The following ABLIM1 variants were observed in gnomAD, a reference collection of about 807,000 sequenced individuals.
ABLIM1 encodes the protein actin-binding LIM protein 1.
ABLIM1 carries 40 observed loss-of-function variants against 107.0 expected under a neutral mutation model. The ratio of observed to expected loss-of-function variants is 0.37; its 90% CI spans 0.29 to 0.49. ABLIM1 has a LOEUF of 0.49. Ranked by LOEUF, ABLIM1 falls within the 20% of genes least tolerant of loss-of-function variation. The probability of loss-of-function intolerance (pLI) is 0.97; values close to 1 mark genes in which losing one functional copy is unlikely to be tolerated. For missense variants in ABLIM1, 857 were observed against 1,008.5 expected, an observed-to-expected ratio of 0.85 and a Z score of 2.04; for synonymous variants, 357 against 357.3, an observed-to-expected ratio of 1.00 and a Z score of 0.01.
intron 14 of ABLIM1, 62 bp downstream of exon 14, chr10:114,451,562 A>C: frequency 6.8e-7 from 1 of 1,469,400 alleles, no homozygotes; most frequent in Non-Finnish European, 9.5e-7. Flanking sequence ...TTCAGAGGAC[A>C]GCAAGGAGAA....
intron 6 of ABLIM1, among the ~76,000 whole-genome samples, chr10:114,541,227 G>A (rs187459126): frequency 9.2e-5 from 14 of 151,736 alleles, no homozygotes; most frequent in Middle Eastern, 3.4e-3. Context: ...GCTTTCAGAC[G>A]TCTAACCTCA....
At chr10:114,526,211 G>A (rs1369375551) in intron 6 of ABLIM1, among the ~76,000 whole-genome samples, 2 of 151,856 alleles carry the variant, frequency 1.3e-5, no homozygotes, top group East Asian at 3.9e-4. Context: ...TCATTCCCAC[G>A]TGCCACTTCC....
upstream of ABLIM1, among the ~76,000 whole-genome samples, chr10:114,687,761 C>G (rs2080977189): frequency 1.3e-5 from 2 of 152,096 alleles, no homozygotes; most frequent in Admixed American, 6.5e-5. Flanking sequence ...GCAGAAGAGA[C>G]AGAAACTTGA....
chr10:114,443,957 C>G (rs1000429754), intron 17 of ABLIM1, 72 bp downstream of exon 17: 9 of 1,223,208 alleles, frequency 7.4e-6, no homozygotes, highest in Non-Finnish European at 1.0e-5. Flanking sequence ...CACAAGTGAA[C>G]AGTCAAGGCA....
At chr10:114,533,067 C>G (rs1215789486) in intron 6 of ABLIM1, among the ~76,000 whole-genome samples, 1 of 152,196 alleles carries the variant, frequency 6.6e-6, no homozygotes, top group African/African-American at 2.4e-5. Flanking sequence ...TGGCCAGGTG[C>G]AGTGGCTCAC....
At chr10:114,696,403 A>C (rs1017939174) in intron 1 of ABLIM1, among the ~76,000 whole-genome samples, 1 of 152,186 alleles carries the variant, frequency 6.6e-6, no homozygotes, top group African/African-American at 2.4e-5. Context: ...TTCATTGCAC[A>C]GATGTGTCTG....
intron 6 of ABLIM1, among the ~76,000 whole-genome samples, chr10:114,525,105 G>A (rs1268922826): frequency 2.6e-5 from 4 of 152,238 alleles, no homozygotes; most frequent in African/African-American, 9.6e-5. Flanking sequence ...TCTCACAGCT[G>A]GGGAGGGAGT....
At chr10:114,447,661 T>C (rs554735645) in intron 15 of ABLIM1, among the ~76,000 whole-genome samples, 12 of 152,316 alleles carry the variant, frequency 7.9e-5, no homozygotes, top group African/African-American at 2.4e-4. Flanking sequence ...CCCAGTGGGT[T>C]TGGTTAGAAC....
the ABLIM1 span, among the ~76,000 whole-genome samples, chr10:114,799,759 AC>A: frequency 6.6e-6 from 1 of 152,014 alleles, no homozygotes; most frequent in Non-Finnish European, 1.5e-5. Context: ...TCTATTTGCC[AC>A]ATGGCATCAT....
In ABLIM1 at chr10:114,491,865, T is replaced by A; in HGVS notation, c.908A>T (p.His303Leu). ...GCATCGTGCACAGCTGGGGTGGTAA[T>A]GTTTGTCACCTGCCTGCAAGAGAAA... ...TGKVLEAGDK[H>L]YHPSCARCSR... The change falls in exon 7 of 23, where the codon CAT (histidine) becomes CTT (leucine). Residue 303 changes from histidine (H) to leucine (L), a missense_variant. His to Leu is a moderately conservative substitution (Grantham distance 99). Transcript: ENST00000533213. 1.9e-6 allele frequency: 3 copies of A among 1,607,946 alleles called. No individual in the cohort carries two copies. The highest frequency in any genetic ancestry group is 1.7e-6 in the Non-Finnish European group (2 of 1,175,222).
At chr10:114,746,708 C>T (rs2082392918) in intron 1 of ABLIM1, among the ~76,000 whole-genome samples, 1 of 152,216 alleles carries the variant, frequency 6.6e-6, no homozygotes, top group East Asian at 1.9e-4. Context: ...TCACCACATC[C>T]TCACCAACGC....
intron 1 of ABLIM1, among the ~76,000 whole-genome samples, chr10:114,765,605 G>T (rs945665961): frequency 2.0e-5 from 3 of 152,088 alleles, no homozygotes. Context: ...CCACAGTTTT[G>T]AAATCTTTTA....
chr10:114,445,295 G>A lies in ABLIM1; in HGVS notation c.1827+17C>T. The A allele has an allele frequency of 6.2e-7, 1 of 1,606,710 alleles. No individual in the cohort carries two copies. The highest frequency in any genetic ancestry group is 8.5e-7 in the Non-Finnish European group (1 of 1,173,282). Reference sequence around the variant, plus strand: ...AACTAGCATTGAAGACAGCAGCAAGGTAGTTTAAGGACAAACCTTCATTAA... The same window carrying A: ...AACTAGCATTGAAGACAGCAGCAAGATAGTTTAAGGACAAACCTTCATTAA... On this transcript the variant is annotated intron_variant, in intron 16 of 22. Transcript: ENST00000533213.
At chr10:114,592,462 C>A (rs1466567343) in intron 2 of ABLIM1, among the ~76,000 whole-genome samples, 1 of 152,012 alleles carries the variant, frequency 6.6e-6, no homozygotes. Context: ...ATTTGAAGGT[C>A]AAATTGAGGT....
At chr10:114,559,735 G>T (rs754081565) in intron 4 of ABLIM1, among the ~76,000 whole-genome samples, 1 of 152,206 alleles carries the variant, frequency 6.6e-6, no homozygotes, top group Non-Finnish European at 1.5e-5. Context: ...TTTTTGCAGG[G>T]AGACAGAAGT....
intron 15 of ABLIM1, 52 bp from the exon 16 acceptor site, chr10:114,445,455 C>CT: frequency 6.9e-7 from 1 of 1,452,864 alleles, no homozygotes. Context: ...ACAAGGGAAT[C>CT]TTAACGGGCT....
intron 1 of ABLIM1, among the ~76,000 whole-genome samples, chr10:114,692,790 T>C (rs996360174): frequency 6.6e-6 from 1 of 152,186 alleles, no homozygotes; most frequent in Admixed American, 6.5e-5. Flanking sequence ...TTCAGGAGGC[T>C]GAGGCAGGAG....
At chr10:114,593,286 A>T (rs1450976838) in intron 2 of ABLIM1, among the ~76,000 whole-genome samples, 1 of 152,194 alleles carries the variant, frequency 6.6e-6, no homozygotes, top group African/African-American at 2.4e-5. Context: ...GTTGTCAAGA[A>T]CTGTAAAAGA....
upstream of ABLIM1, among the ~76,000 whole-genome samples, chr10:114,769,460 AAAG>A (rs1200878862): frequency 1.1e-5 from 1 of 90,380 alleles, no homozygotes; most frequent in African/African-American, 3.9e-5. Flanking sequence ...AGAAAGAAAG[AAAG>A]AAAGAAAGAA....
Sources: gnomAD v4.1 joint callset for allele counts (sites outside exome capture counted in the v4.1 genomes callset) on GRCh38, gnomAD v4.1.1 for gene constraint, MANE v1.5 for transcripts, NCBI Gene and HGNC (gene_info 2026-07-23, HGNC 2026-07-21) for gene names.